The following PJA2 variants were observed in gnomAD, a reference collection of about 807,000 sequenced individuals.
PJA2 encodes E3 ubiquitin-protein ligase Praja-2.
Under a neutral mutation model 69.3 loss-of-function variants are expected in PJA2, and 25 were observed. The observed-to-expected ratio is 0.36, with a 90% CI of 0.26 to 0.50. The LOEUF (loss-of-function observed/expected upper bound fraction) is 0.50. Ranked by LOEUF, PJA2 falls within the 20% of genes least tolerant of loss-of-function variation. The pLI is 0.96. For missense variants in PJA2, 809 were observed against 830.2 expected, an observed-to-expected ratio of 0.97 and a Z score of 0.31; for synonymous variants, 308 against 277.8, an observed-to-expected ratio of 1.11 and a Z score of -1.08.
chr5:109,343,156 G>A (rs1762107363), intron 9 of PJA2, among the ~76,000 whole-genome samples: 1 of 120,384 alleles, frequency 8.3e-6, no homozygotes, highest in South Asian at 2.9e-4. Flanking sequence ...ATTTTGTTCT[G>A]CACTAAGAAA....
intron 9 of PJA2, among the ~76,000 whole-genome samples, chr5:109,338,636 C>CAA (rs11336749): frequency 0.024 from 1,475 of 61,958 alleles, 38 homozygotes; most frequent in African/African-American, 0.076. Flanking sequence ...AACTCCGTCT[C>CAA]AAAAAAAAAA....
chr5:109,396,102 T>A (rs1212805930), intron 1 of PJA2, among the ~76,000 whole-genome samples: 4 of 151,926 alleles, frequency 2.6e-5, no homozygotes, highest in African/African-American at 9.7e-5. Context: ...AGAAAAAGTC[T>A]GAGATATTAG....
In PJA2 at chr5:109,381,656, C is replaced by G. The variant is rs1747050938; in HGVS notation, c.79G>C (p.Gly27Arg). 1 of 1,614,034 alleles carries G rather than the reference C, an allele frequency of 6.2e-7. No individual in the cohort carries two copies. Among genetic ancestry groups the G allele is most frequent in the Non-Finnish European group, 8.5e-7 (1 of 1,180,020 alleles). Residue 27 changes from glycine (G) to arginine (R), a missense_variant, in exon 3 of 10, where the codon GGG becomes CGG. Transcript: ENST00000361189. ...CTCCTGCCTGTAATTGTCTGATACC[C>G]TCCTGCTGGTTTGGGCCAGACAGCC... is the stretch of plus-strand genomic sequence containing the variant. ...GKAVWPKPAG[G>R]YQTITGRRYG...
chr5:109,396,016 A>G (rs1022097068), intron 1 of PJA2, among the ~76,000 whole-genome samples: 3 of 148,436 alleles, frequency 2.0e-5, no homozygotes, highest in Admixed American at 6.8e-5. Context: ...AAAAAAAAAG[A>G]AAAAAAAAGA....
At chr5:109,381,141 G>GT (rs1449101698) in intron 3 of PJA2, among the ~76,000 whole-genome samples, 1 of 151,230 alleles carries the variant, frequency 6.6e-6, no homozygotes, top group Non-Finnish European at 1.5e-5. Flanking sequence ...AAGAAGAAAA[G>GT]TTATTTAAAT....
At chr5:109,340,885 G>A (rs1484752761) in intron 9 of PJA2, among the ~76,000 whole-genome samples, 8 of 98,582 alleles carry the variant, frequency 8.1e-5, no homozygotes, top group Admixed American at 2.0e-4. Flanking sequence ...CGAGTGATCC[G>A]CCAACCTCGA....
chr5:109,392,027 A>G (rs1747292403), intron 1 of PJA2, among the ~76,000 whole-genome samples: 1 of 152,166 alleles, frequency 6.6e-6, no homozygotes, highest in African/African-American at 2.4e-5. Flanking sequence ...TCCTTAAATA[A>G]TCTATGGGTT....
At chr5:109,409,669 G>C (rs1305052701) in intron 1 of PJA2, among the ~76,000 whole-genome samples, 173 bp downstream of exon 1, 3 of 152,032 alleles carry the variant, frequency 2.0e-5, no homozygotes, top group Non-Finnish European at 4.4e-5. Flanking sequence ...GCCTCCCACA[G>C]CCATCAACCC....
intron 2 of PJA2, 66 bp downstream of exon 2, chr5:109,383,337 T>TGGTA: frequency 7.3e-7 from 1 of 1,371,774 alleles, no homozygotes; most frequent in Non-Finnish European, 1.0e-6. Flanking sequence ...TGTCACTTAC[T>TGGTA]GGTACTCAAG....
chr5:109,398,359 T>A (rs13165705), intron 1 of PJA2, among the ~76,000 whole-genome samples: 65,974 of 151,838 alleles, frequency 0.43, 17,618 homozygotes, highest in Middle Eastern at 0.6. Flanking sequence ...CACAATAGCA[T>A]AGACTTGGAA....
intron 7 of PJA2, among the ~76,000 whole-genome samples, chr5:109,352,863 G>T (rs1582589647): frequency 6.7e-6 from 1 of 149,402 alleles, no homozygotes; most frequent in African/African-American, 2.4e-5. Flanking sequence ...CAATATCATA[G>T]ACATCTATAT....
chr5:109,394,982 T>C (rs1258827985), intron 1 of PJA2, among the ~76,000 whole-genome samples: 1 of 152,186 alleles, frequency 6.6e-6, no homozygotes, highest in Non-Finnish European at 1.5e-5. Context: ...CCTCATTAGA[T>C]TTGTGGCTGC....
At chr5:109,362,304 T>G (rs1334261746) in intron 6 of PJA2, among the ~76,000 whole-genome samples, 1 of 152,216 alleles carries the variant, frequency 6.6e-6, no homozygotes, top group African/African-American at 2.4e-5. Flanking sequence ...ACAACACACT[T>G]CACTTACATG....
chr5:109,351,680 G>C (rs1179075882), intron 7 of PJA2, among the ~76,000 whole-genome samples: 3 of 151,752 alleles, frequency 2.0e-5, no homozygotes, highest in Non-Finnish European at 4.4e-5. Flanking sequence ...GATATAAGGA[G>C]ACAAATACAT....
chr5:109,398,204 G>A (rs905501420), intron 1 of PJA2, among the ~76,000 whole-genome samples: 1 of 152,156 alleles, frequency 6.6e-6, no homozygotes, highest in Non-Finnish European at 1.5e-5. Context: ...CAACCATTGT[G>A]GAAGACAGTG....
chr5:109,338,694 C>T lies in PJA2; in HGVS notation c.2002-1338G>A, dbSNP rs114054243. On this transcript the variant is annotated intron_variant, in intron 9 of 9. Coordinates refer to ENST00000361189, the MANE Select transcript of PJA2 (RefSeq NM_014819.5). ...TCAGCAAACATTTATTGTGTACTTGCCATACAGATTGGGCCCCAACAATAA... is the reference window on the plus strand; with the variant it reads ...TCAGCAAACATTTATTGTGTACTTGTCATACAGATTGGGCCCCAACAATAA... Among the ~76,000 whole-genome samples the T allele has an allele frequency of 6.6e-3, 998 of 151,286 alleles. 10 individuals are homozygous for T. Among genetic ancestry groups the T allele is most frequent in the African/African-American group, 0.023 (955 of 41,116 alleles).
At chr5:109,340,084 C>T (rs1228834170) in intron 9 of PJA2, among the ~76,000 whole-genome samples, 2 of 152,198 alleles carry the variant, frequency 1.3e-5, no homozygotes, top group South Asian at 2.1e-4. Flanking sequence ...CACATTAGCA[C>T]GTGCTGTTTA....
At chr5:109,338,636 C>CAAA (rs11336749) in intron 9 of PJA2, among the ~76,000 whole-genome samples, 46 of 62,406 alleles carry the variant, frequency 7.4e-4, no homozygotes, top group African/African-American at 1.9e-3. Flanking sequence ...AACTCCGTCT[C>CAAA]AAAAAAAAAA....
chr5:109,403,764 TA>T (rs35384937), intron 1 of PJA2, among the ~76,000 whole-genome samples: 100,872 of 138,086 alleles, frequency 0.73, 36,621 homozygotes, highest in African/African-American at 0.79. Context: ...ACTCATGATT[TA>T]AAAAAAAAAA....
Sources: allele counts gnomAD v4.1 joint callset (sites outside exome capture counted in the v4.1 genomes callset), GRCh38; gene constraint gnomAD v4.1.1; transcripts MANE v1.5; gene names NCBI Gene and HGNC (gene_info 2026-07-23, HGNC 2026-07-21).